EYS: variants seen among roughly 807,000 people sequenced by gnomAD.
EYS encodes the protein EGF-like photoreceptor maintenance factor.
EYS carries 250 observed loss-of-function variants against 282.1 expected under a neutral mutation model. That is an observed-to-expected ratio of 0.89 (90% CI 0.80 to 0.98). EYS has a LOEUF of 0.98. Among genes scored for constraint, EYS ranks in the 50% least tolerant of loss-of-function variants. The pLI, the probability that EYS is intolerant of heterozygous loss-of-function variation, is 0.00. For synonymous variants in EYS, 1,355 were observed against 1,282.9 expected, an observed-to-expected ratio of 1.06 and a Z score of -1.20; for missense variants, 4,016 against 3,709.0, an observed-to-expected ratio of 1.08 and a Z score of -2.15.
intron 41 of EYS, among the ~76,000 whole-genome samples, chr6:63,733,730 C>T (rs957180820): frequency 2.4e-4 from 36 of 152,106 alleles, no homozygotes; most frequent in Admixed American, 1.6e-3. Flanking sequence ...AGTTCTCTCA[C>T]GGACCACGTT....
chr6:65,475,780 G>C (rs201359400), intron 5 of EYS, among the ~76,000 whole-genome samples: 5 of 120,052 alleles, frequency 4.2e-5, no homozygotes, highest in Non-Finnish European at 5.6e-5. Flanking sequence ...CACACACACA[G>C]AGACAGAGAG....
chr6:65,674,987 G>A (rs1032379762), intron 1 of EYS, among the ~76,000 whole-genome samples: 1 of 151,872 alleles, frequency 6.6e-6, no homozygotes, highest in East Asian at 1.9e-4. Flanking sequence ...GGAGGAGGAA[G>A]TAAATATGTA....
rs140892533 is a variant in EYS, at chr6:64,388,590, C to T, written c.6078+100G>A. Reference sequence around the variant, plus strand: ...GAAACCATGCAGATGGCCCCACTAGCCAGAAAATATTTCTAAAGTTTTTCT... The same window carrying T: ...GAAACCATGCAGATGGCCCCACTAGTCAGAAAATATTTCTAAAGTTTTTCT... On this transcript the variant is annotated intron_variant, in intron 29 of 42. Transcript: ENST00000503581. 338 of 1,173,330 alleles carry T rather than the reference C, an allele frequency of 2.9e-4. 3 individuals carry two copies. In the East Asian group the frequency reaches 6.3e-3, roughly 22 times the overall value. 72.7% of individuals were successfully genotyped at this position (1,173,330 alleles called of 1,614,324 possible).
chr6:64,822,670 T>A lies in EYS; in HGVS notation c.3145A>T (p.Asn1049Tyr). ...CETNANDCLS[N>Y]PCLHGRCTEL... ...AGCTACCTTCCATGTAGACAAGGAT[T>A]TGAAAGGCAATCATTGGCGTTTGTT... Residue 1049 changes from asparagine to tyrosine, a missense_variant, in exon 20 of 43, where the codon AAT becomes TAT. Physicochemically the swap from Asn to Tyr is moderately radical, Grantham distance 143 (BLOSUM62 -2). Coordinates refer to ENST00000503581, the MANE Select transcript of EYS (RefSeq NM_001142800.2). 1 of 1,542,810 alleles carries A rather than the reference T, an allele frequency of 6.5e-7. No individual in the cohort carries two copies. The highest frequency in any genetic ancestry group is 8.7e-7 in the Non-Finnish European group (1 of 1,144,006).
At chr6:64,980,954 C>T (rs9351477) in intron 14 of EYS, among the ~76,000 whole-genome samples, 1 of 151,250 alleles carries the variant, frequency 6.6e-6, no homozygotes, top group Non-Finnish European at 1.5e-5. Flanking sequence ...AGGTACTGCT[C>T]TCATTTTAAA....
intron 35 of EYS, among the ~76,000 whole-genome samples, chr6:63,893,674 A>G (rs1773464306): frequency 6.6e-6 from 1 of 152,134 alleles, no homozygotes; most frequent in East Asian, 1.9e-4. Context: ...ATGTATACCT[A>G]TATAACTTGC....
chr6:65,379,474 A>C (rs969425370), intron 8 of EYS, among the ~76,000 whole-genome samples: 1 of 152,102 alleles, frequency 6.6e-6, no homozygotes. Context: ...TATCAAAATA[A>C]TAAGGGCTAT....
chr6:64,726,512 G>A (rs1282435220), intron 22 of EYS, among the ~76,000 whole-genome samples: 1 of 151,998 alleles, frequency 6.6e-6, no homozygotes, highest in Non-Finnish European at 1.5e-5. Context: ...AAACTATATT[G>A]TTTAAAGTTC....
rs1768086503 is a variant in EYS at position 64,275,679 on chromosome 6, A to G, written c.6191+31291T>C. On this transcript the variant is annotated intron_variant, in intron 30 of 42. Coordinates refer to ENST00000503581, the MANE Select transcript of EYS (RefSeq NM_001142800.2). ...GATCTGTGTGCCTTATTACCTGGCC[A>G]GGCGCGGTGGCTCACCCCTGTAATC... is the stretch of plus-strand genomic sequence containing the variant. Among the ~76,000 whole-genome samples, 9 of 150,854 alleles carry G rather than the reference A, an allele frequency of 6.0e-5. No individual in the cohort carries two copies. In the South Asian group the frequency reaches 1.9e-3, roughly 32 times the overall value.
intron 10 of EYS, among the ~76,000 whole-genome samples, chr6:65,339,655 A>G (rs1770125271): frequency 6.6e-6 from 1 of 151,154 alleles, no homozygotes; most frequent in Admixed American, 6.6e-5. Context: ...AGACTGTTAT[A>G]CTTGATGTCA....
At chr6:64,384,627 T>C (rs1215805572) in intron 29 of EYS, among the ~76,000 whole-genome samples, 2 of 152,198 alleles carry the variant, frequency 1.3e-5, no homozygotes, top group African/African-American at 4.8e-5. Context: ...TGTCCTTAAC[T>C]AACTTGGACC....
intron 2 of EYS, among the ~76,000 whole-genome samples, chr6:65,638,496 C>T (rs1767167432): frequency 6.6e-6 from 1 of 152,212 alleles, no homozygotes; most frequent in South Asian, 2.1e-4. Context: ...CGAGCCAGGG[C>T]CGTGACACCC....
At chr6:64,592,367 T>C (rs1766439171) in intron 25 of EYS, among the ~76,000 whole-genome samples, 2 of 152,156 alleles carry the variant, frequency 1.3e-5, no homozygotes, top group South Asian at 4.1e-4. Context: ...GAAATACCGT[T>C]TTACTTCCTC....
chr6:65,365,108 A>G (rs372468961), intron 8 of EYS, among the ~76,000 whole-genome samples: 7 of 151,760 alleles, frequency 4.6e-5, no homozygotes, highest in African/African-American at 9.7e-5. Context: ...CCAACTATCA[A>G]TCTAGGGAAA....
chr6:65,655,273 T>G (rs1455046305), intron 1 of EYS, among the ~76,000 whole-genome samples: 1 of 151,672 alleles, frequency 6.6e-6, no homozygotes, highest in African/African-American at 2.4e-5. Flanking sequence ...GCTCACCACT[T>G]AAGTGTGAGA....
intron 14 of EYS, among the ~76,000 whole-genome samples, chr6:64,949,657 A>T (rs994399154): frequency 6.6e-5 from 10 of 151,922 alleles, no homozygotes; most frequent in Admixed American, 5.3e-4. Context: ...ATAATCATGG[A>T]AGAAGTATCA....
chr6:64,544,323 G>A (rs1764782114), intron 26 of EYS, among the ~76,000 whole-genome samples: 1 of 152,212 alleles, frequency 6.6e-6, no homozygotes, highest in South Asian at 2.1e-4. Flanking sequence ...GGGAAAGAAA[G>A]TGTTGCAATT....
At chr6:64,489,575 TTA>T (rs1268376269) in intron 26 of EYS, among the ~76,000 whole-genome samples, 5 of 147,706 alleles carry the variant, frequency 3.4e-5, no homozygotes, top group Admixed American at 2.0e-4. Context: ...TAAAAATATT[TTA>T]TGTTAAAATA....
intron 2 of EYS, among the ~76,000 whole-genome samples, chr6:65,512,415 G>A (rs905100640): frequency 6.6e-6 from 1 of 150,818 alleles, no homozygotes; most frequent in Non-Finnish European, 1.5e-5. Flanking sequence ...CATGAACCCG[G>A]GAGGCGGAGC....
Sources: gnomAD v4.1 joint callset for allele counts (sites outside exome capture counted in the v4.1 genomes callset) on GRCh38, gnomAD v4.1.1 for gene constraint, MANE v1.5 for transcripts, NCBI Gene and HGNC (gene_info 2026-07-23, HGNC 2026-07-21) for gene names.